Variants in IMPG1 observed in about 807,000 individuals in gnomAD.
The protein encoded by IMPG1 is interphotoreceptor matrix proteoglycan of 150 kDa.
In IMPG1, 85 loss-of-function variants were observed where a neutral mutation model predicts 92.0. The observed-to-expected ratio is 0.92, with a 90% CI of 0.78 to 1.11. The LOEUF is 1.11. IMPG1 is among the 50% of genes least tolerant of loss of function. The probability of loss-of-function intolerance (pLI) is 0.00; values close to 1 mark genes in which losing one functional copy is unlikely to be tolerated. For synonymous variants in IMPG1, 367 were observed against 334.1 expected, an observed-to-expected ratio of 1.10 and a Z score of -1.08; for missense variants, 1,022 against 956.0, an observed-to-expected ratio of 1.07 and a Z score of -0.91.
chr6:75,999,644 A>AT (rs1782953551), intron 12 of IMPG1, among the ~76,000 whole-genome samples: 1 of 152,012 alleles, frequency 6.6e-6, no homozygotes, highest in South Asian at 2.1e-4. Context: ...TAGGGTTTCC[A>AT]TTTTTCATTA....
chr6:75,982,586 G>T lies in IMPG1; in HGVS notation c.1291+20332C>A, dbSNP rs372100991. ...CTATATATCTATATAGATATATATA[G>T]ATATATATATGTGTGTGTATATATA... On this transcript the variant is annotated intron_variant, in intron 12 of 16. Coordinates refer to ENST00000369950, the MANE Select transcript of IMPG1 (RefSeq NM_001563.4). Among the ~76,000 whole-genome samples the T allele has an allele frequency of 3.8e-4, 56 of 145,828 alleles. 1 individual carries two copies. In the East Asian group the frequency reaches 5.5e-3, roughly 14 times the overall value.
intron 1 of IMPG1, among the ~76,000 whole-genome samples, 181 bp from the exon 2 acceptor site, chr6:76,042,307 T>C (rs1783858920): frequency 6.6e-6 from 1 of 152,078 alleles, no homozygotes; most frequent in Non-Finnish European, 1.5e-5. Flanking sequence ...AATAAGAGAA[T>C]AGTATAATGA....
Position 75,961,520 on chromosome 6 carries a change from G to A in IMPG1, c.1292-10426C>T, listed in dbSNP as rs1782212277. Among the ~76,000 whole-genome samples, 4 of 152,076 alleles carry A rather than the reference G, an allele frequency of 2.6e-5. No homozygotes were observed. The South Asian group carries it at 6.2e-4, about 24-fold the overall frequency. ...CCCAAAGAGCTTACTGTCTAGTGGTGGAAGACAAAAAACAAAACAAAAACC... is the reference window on the plus strand; with the variant it reads ...CCCAAAGAGCTTACTGTCTAGTGGTAGAAGACAAAAAACAAAACAAAAACC... On this transcript the variant is annotated intron_variant, in intron 12 of 16. Coordinates refer to ENST00000369950, the MANE Select transcript of IMPG1 (RefSeq NM_001563.4).
intron 15 of IMPG1, among the ~76,000 whole-genome samples, chr6:75,928,290 C>T (rs1452853357): frequency 1.3e-5 from 2 of 151,970 alleles, no homozygotes; most frequent in African/African-American, 2.4e-5. Flanking sequence ...ACCTCCACCT[C>T]CTGGGTTCAA....
chr6:75,990,588 T>TACACACACACACACAC (rs112985372), intron 12 of IMPG1, among the ~76,000 whole-genome samples: 24 of 145,006 alleles, frequency 1.7e-4, no homozygotes, highest in African/African-American at 2.0e-4. Context: ...ACCCCACCTC[T>TACACACACACACACAC]ACACACACAC....
intron 12 of IMPG1, among the ~76,000 whole-genome samples, chr6:76,001,617 C>A (rs1782990842): frequency 6.6e-6 from 1 of 152,126 alleles, no homozygotes; most frequent in Non-Finnish European, 1.5e-5. Context: ...AGAAATGAGG[C>A]CCCCAGCCAA....
chr6:75,922,294 G>A (rs1342398361), intron 16 of IMPG1, 128 bp from the exon 17 acceptor site: 2 of 570,384 alleles, frequency 3.5e-6, no homozygotes, highest in Non-Finnish European at 6.3e-6. Context: ...TCTTTGAAAT[G>A]TTGAAGATGG....
At position 75,952,341 on chromosome 6, in the gene IMPG1, G is replaced by C. The variant is rs372423003; in HGVS notation, c.1292-1247C>G. On this transcript the variant is annotated intron_variant, in intron 12 of 16. Transcript: ENST00000369950. ...TGTCTGGATGCAGATATAATCTCTG[G>C]ACTCTCAGTCAGCTAATTTACTACG... 3.9e-3 allele frequency among the ~76,000 whole-genome samples: 590 copies of C among 152,188 alleles called. 6 individuals are homozygous for C. Among genetic ancestry groups the C allele is most frequent in the African/African-American group, 0.014 (564 of 41,540 alleles).
chr6:76,066,596 A>G (rs1427631755), intron 1 of IMPG1, among the ~76,000 whole-genome samples: 9 of 152,092 alleles, frequency 5.9e-5, no homozygotes, highest in Non-Finnish European at 1.3e-4. Context: ...GCAATACAAT[A>G]ATATTGGGGG....
chr6:75,947,643 T>G (rs1486632117), intron 13 of IMPG1, 110 bp from the exon 14 acceptor site: 1 of 772,040 alleles, frequency 1.3e-6, no homozygotes, highest in Non-Finnish European at 2.1e-6. Flanking sequence ...TAGTTCCTTT[T>G]TATTATTTTG....
At chr6:75,934,174 C>T (rs1360042244) in intron 14 of IMPG1, among the ~76,000 whole-genome samples, 5 of 152,148 alleles carry the variant, frequency 3.3e-5, no homozygotes, top group Admixed American at 1.3e-4. Context: ...ATAAAGGTTC[C>T]CTTAACTAAA....
intron 12 of IMPG1, among the ~76,000 whole-genome samples, chr6:75,956,916 C>CT (rs999965557): frequency 2.0e-5 from 3 of 151,940 alleles, no homozygotes; most frequent in African/African-American, 7.2e-5. Context: ...GAGTGAGTTT[C>CT]TTTTTTTCTT....
At chr6:76,054,976 G>C (rs181492552) in intron 1 of IMPG1, among the ~76,000 whole-genome samples, 1 of 151,990 alleles carries the variant, frequency 6.6e-6, no homozygotes, top group African/African-American at 2.4e-5. Context: ...CAGGATAATA[G>C]TAGGTACATT....
At chr6:76,020,753 C>T (rs1174441583) in intron 6 of IMPG1, among the ~76,000 whole-genome samples, 1 of 152,186 alleles carries the variant, frequency 6.6e-6, no homozygotes, top group Non-Finnish European at 1.5e-5. Flanking sequence ...AAATTCCTAT[C>T]TAAGGGGTTT....
chr6:76,005,819 G>A (rs936283829), intron 9 of IMPG1, among the ~76,000 whole-genome samples: 2 of 145,630 alleles, frequency 1.4e-5, no homozygotes, highest in South Asian at 2.2e-4. Context: ...TTTACTTTAG[G>A]TTTTTTTTTT....
Position 75,922,127 on chromosome 6 carries a change from A to G in IMPG1, c.2356T>C (p.Tyr786His), listed in dbSNP as rs2149446467. 1 of 1,409,080 alleles carries G rather than the reference A, an allele frequency of 7.1e-7. No homozygotes were observed. Among genetic ancestry groups the G allele is most frequent in the Non-Finnish European group, 1.0e-6 (1 of 1,003,942 alleles). 87.3% of individuals were successfully genotyped at this position (1,409,080 alleles called of 1,614,324 possible). A position where few individuals can be genotyped will look rare whatever the true frequency, so the allele number is the denominator to read the frequency against. The change falls in exon 17 of 17, where the codon TAT becomes CAT. Residue 786 changes from tyrosine to histidine, a missense_variant. Tyr to His is a moderately conservative substitution (Grantham distance 83). Around this residue, in one of 3 missense-constraint regions of IMPG1, gnomAD observed 332 missense variants for 346.2 expected, o/e 0.96. Transcript: ENST00000369950. ...CAATCTTGATGGTTAAATTCTTCAT[A>G]TTCTACGGTCAGTAATTCAGAATTT... ...KRNSELLTVEYEEFNHQDWEG... is the reference protein window; with the variant it reads ...KRNSELLTVEHEEFNHQDWEG...
chr6:76,047,764 A>G (rs942012050), intron 1 of IMPG1, among the ~76,000 whole-genome samples: 5 of 152,242 alleles, frequency 3.3e-5, no homozygotes, highest in Admixed American at 1.3e-4. Flanking sequence ...TTTAAAAACC[A>G]TTAGACTATG....
rs772872123 is a variant in IMPG1 at position 76,034,743 on chromosome 6, G to T, written c.346C>A (p.Arg116Ser). Residue 116 changes from arginine (R) to serine (S), a missense_variant, in exon 3 of 17, where the codon CGC becomes AGC. This residue lies in a region of IMPG1 where 681 missense variants were observed against 583.6 expected (regional missense o/e 1.17). Transcript: ENST00000369950. ...VWEAYRIFLD[R>S]IPDTGEYQDW... ...TGATATTCCCCTGTGTCAGGGATGC[G>T]ATCCAGAAAGATCCGATATGCTTCC... 6.2e-7 allele frequency: 1 copy of T among 1,614,018 alleles called. No individual in the cohort carries two copies. The highest frequency in any genetic ancestry group is 1.1e-5 in the South Asian group (1 of 91,074).
At chr6:75,964,983 TTACTCAG>T (rs1298552745) in intron 12 of IMPG1, among the ~76,000 whole-genome samples, 1 of 152,218 alleles carries the variant, frequency 6.6e-6, no homozygotes, top group Non-Finnish European at 1.5e-5. Context: ...TTGGCTTTTC[TTACTCAG>T]TATAACTCTG....
Sources: gnomAD v4.1 joint callset for allele counts (sites outside exome capture counted in the v4.1 genomes callset) on GRCh38, gnomAD v4.1.1 for gene constraint, gnomAD v4.1.1 regional missense constraint, MANE v1.5 for transcripts, NCBI Gene and HGNC (gene_info 2026-07-23, HGNC 2026-07-21) for gene names.